The following CNTN5 variants were observed in gnomAD, a reference collection of about 807,000 sequenced individuals.
The protein encoded by CNTN5 is contactin-5.
CNTN5 carries 77 observed loss-of-function variants against 129.1 expected under a neutral mutation model. That is an observed-to-expected ratio of 0.60 (90% CI 0.50 to 0.72). CNTN5 has a LOEUF of 0.72. Among genes scored for constraint, CNTN5 ranks in the 30% least tolerant of loss-of-function variants. The pLI, the probability that CNTN5 is intolerant of heterozygous loss-of-function variation, is 0.00. For synonymous variants in CNTN5, 509 were observed against 465.6 expected (o/e 1.09, Z -1.20); for missense variants, 1,478 against 1,328.8 (o/e 1.11, Z -1.75).
intron 1 of CNTN5, among the ~76,000 whole-genome samples, chr11:99,039,586 C>G (rs980024540): frequency 6.6e-6 from 1 of 152,096 alleles, no homozygotes; most frequent in Non-Finnish European, 1.5e-5. Context: ...GTGTCAAACA[C>G]AAAGAATGCT....
At chr11:100,167,862 G>A (rs956662112) in intron 13 of CNTN5, among the ~76,000 whole-genome samples, 1 of 151,960 alleles carries the variant, frequency 6.6e-6, no homozygotes, top group Non-Finnish European at 1.5e-5. Context: ...GTGGCAGACA[G>A]TTAGCCAAGC....
At chr11:99,428,921 C>T (rs909985299) in intron 2 of CNTN5, among the ~76,000 whole-genome samples, 1 of 152,112 alleles carries the variant, frequency 6.6e-6, no homozygotes. Flanking sequence ...TAGCAATTTT[C>T]ATTAAATCAG....
At position 99,559,715 on chromosome 11, in the gene CNTN5, T is replaced by A. The variant is rs185902297; in HGVS notation, c.55+3446T>A. ...TAGGTCTTCTAGGCATTTACCTAAC[T>A]GATTTGAAAACTTATATCCACACAA... On this transcript the variant is annotated intron_variant, in intron 3 of 24. Coordinates refer to ENST00000524871, the MANE Select transcript of CNTN5 (RefSeq NM_014361.4). Among the ~76,000 whole-genome samples the A allele has an allele frequency of 2.2e-3, 332 of 152,272 alleles. 2 individuals carry two copies. The highest frequency in any genetic ancestry group is 3.0e-3 in the Non-Finnish European group (201 of 68,006).
At chr11:99,327,014 G>T (rs1865812644) in intron 2 of CNTN5, among the ~76,000 whole-genome samples, 1 of 151,968 alleles carries the variant, frequency 6.6e-6, no homozygotes, top group Non-Finnish European at 1.5e-5. Context: ...TAAACATTTT[G>T]TTCTTAACTC....
intron 2 of CNTN5, among the ~76,000 whole-genome samples, chr11:99,535,931 A>G (rs1947884484): frequency 6.6e-6 from 1 of 152,100 alleles, no homozygotes; most frequent in South Asian, 2.1e-4. Context: ...AAATCATGTT[A>G]ATTCTGATTA....
intron 2 of CNTN5, among the ~76,000 whole-genome samples, chr11:99,489,860 G>A (rs914558603): frequency 6.6e-6 from 1 of 152,092 alleles, no homozygotes; most frequent in Non-Finnish European, 1.5e-5. Flanking sequence ...GACAGACAGA[G>A]AGAGACAAAG....
intron 18 of CNTN5, among the ~76,000 whole-genome samples, chr11:100,292,829 C>T (rs1565407054): frequency 6.6e-6 from 1 of 151,962 alleles, no homozygotes; most frequent in South Asian, 2.1e-4. Flanking sequence ...ACTCTCAATT[C>T]AGCATCTGAG....
chr11:99,452,909 C>A (rs1944361598), intron 2 of CNTN5, among the ~76,000 whole-genome samples: 1 of 152,060 alleles, frequency 6.6e-6, no homozygotes, highest in African/African-American at 2.4e-5. Context: ...ATTCATAAAA[C>A]AATCATGAGA....
chr11:100,083,184 G>T (rs533713124), intron 13 of CNTN5, among the ~76,000 whole-genome samples: 3 of 151,966 alleles, frequency 2.0e-5, no homozygotes, highest in Admixed American at 1.3e-4. Flanking sequence ...GGGCGTGGTG[G>T]TGCATTCCTG....
chr11:99,984,694 T>G (rs1486107454), intron 8 of CNTN5, among the ~76,000 whole-genome samples: 1 of 152,206 alleles, frequency 6.6e-6, no homozygotes, highest in Non-Finnish European at 1.5e-5. Flanking sequence ...ATAGCATGTA[T>G]ACAGGCTCAT....
chr11:99,306,376 G>A (rs1436784380), intron 1 of CNTN5, among the ~76,000 whole-genome samples: 1 of 151,924 alleles, frequency 6.6e-6, no homozygotes, highest in Non-Finnish European at 1.5e-5. Context: ...TGAGATAGTG[G>A]ACAAAAAAAG....
At chr11:99,619,053 A>T (rs1384691128) in intron 3 of CNTN5, among the ~76,000 whole-genome samples, 1 of 152,178 alleles carries the variant, frequency 6.6e-6, no homozygotes, top group African/African-American at 2.4e-5. Flanking sequence ...TTATAAAATC[A>T]TTTAATGTCA....
At chr11:99,491,186 AT>A (rs1218543788) in intron 2 of CNTN5, among the ~76,000 whole-genome samples, 1 of 152,050 alleles carries the variant, frequency 6.6e-6, no homozygotes, top group Non-Finnish European at 1.5e-5. Flanking sequence ...ATTCCCATGT[AT>A]TTGTTAGGCC....
At chr11:100,236,220 C>T (rs1286629166) in intron 16 of CNTN5, among the ~76,000 whole-genome samples, 1 of 152,142 alleles carries the variant, frequency 6.6e-6, no homozygotes, top group Non-Finnish European at 1.5e-5. Flanking sequence ...TCCCTTGTAC[C>T]TACTCCTTCT....
intron 1 of CNTN5, among the ~76,000 whole-genome samples, chr11:99,199,417 A>T (rs1859057595): frequency 6.6e-6 from 1 of 152,210 alleles, no homozygotes; most frequent in Non-Finnish European, 1.5e-5. Flanking sequence ...TAGCTTATAT[A>T]TCAGTTACTG....
At chr11:99,624,759 C>G (rs1951070331) in intron 3 of CNTN5, among the ~76,000 whole-genome samples, 2 of 152,150 alleles carry the variant, frequency 1.3e-5, no homozygotes, top group Non-Finnish European at 2.9e-5. Flanking sequence ...TGATACATGT[C>G]TGATGGTGAT....
chr11:99,023,014 A>G (rs375020799), intron 1 of CNTN5, among the ~76,000 whole-genome samples: 16 of 152,230 alleles, frequency 1.1e-4, no homozygotes, highest in South Asian at 2.1e-4. Flanking sequence ...GACTTTGTCT[A>G]TAAGTTGTGA....
At chr11:99,261,994 T>A (rs944944553) in intron 1 of CNTN5, among the ~76,000 whole-genome samples, 18 of 152,034 alleles carry the variant, frequency 1.2e-4, no homozygotes, top group African/African-American at 4.1e-4. Context: ...AATCTCCTAA[T>A]TGAGCTTCTG....
At chr11:99,887,774 A>G (rs1257796904) in intron 6 of CNTN5, among the ~76,000 whole-genome samples, 1 of 152,226 alleles carries the variant, frequency 6.6e-6, no homozygotes, top group African/African-American at 2.4e-5. Context: ...CAGGAGAAAG[A>G]TGAAACTGAA....
Sources: allele counts gnomAD v4.1 joint callset (sites outside exome capture counted in the v4.1 genomes callset), GRCh38; gene constraint gnomAD v4.1.1; transcripts MANE v1.5; gene names NCBI Gene and HGNC (gene_info 2026-07-23, HGNC 2026-07-21).